TNIK: variants seen among roughly 807,000 people sequenced by gnomAD.
The protein encoded by TNIK is TRAF2 and NCK-interacting protein kinase.
A neutral mutation model predicts 191.3 loss-of-function variants in TNIK; 49 were observed. The ratio of observed to expected loss-of-function variants is 0.26; its 90% CI spans 0.20 to 0.32. TNIK has a LOEUF of 0.32. Among genes scored for constraint, TNIK ranks in the 10% least tolerant of loss-of-function variants. The pLI is 1.00. For synonymous variants in TNIK, 594 were observed against 600.9 expected, an observed-to-expected ratio of 0.99 and a Z score of 0.17; for missense variants, 1,155 against 1,702.3, an observed-to-expected ratio of 0.68 and a Z score of 5.66.
chr3:171,371,153 G>A (rs1018609342), intron 1 of TNIK, among the ~76,000 whole-genome samples: 8 of 152,150 alleles, frequency 5.3e-5, no homozygotes, highest in Admixed American at 3.3e-4. Flanking sequence ...TCAAGTAGTC[G>A]GAAATCTATT....
At chr3:171,448,569 C>CTTTT (rs79607104) in intron 1 of TNIK, among the ~76,000 whole-genome samples, 1,337 of 126,360 alleles carry the variant, frequency 0.011, 35 homozygotes, top group African/African-American at 0.038. Flanking sequence ...TTCATGTACA[C>CTTTT]TTTTTTTTTT....
intron 23 of TNIK, among the ~76,000 whole-genome samples, chr3:171,088,644 C>G (rs376725331): frequency 2.2e-4 from 34 of 152,172 alleles, no homozygotes; most frequent in Admixed American, 2.2e-3. Context: ...GATAGGATTA[C>G]GTGATGTAAC....
At chr3:171,102,600 GA>G (rs1253097929) in intron 21 of TNIK, among the ~76,000 whole-genome samples, 1 of 152,186 alleles carries the variant, frequency 6.6e-6, no homozygotes, top group Non-Finnish European at 1.5e-5. Context: ...TGCAAATGGG[GA>G]AAAAGCAATT....
At chr3:171,441,072 T>TAG (rs1560078020) in intron 1 of TNIK, among the ~76,000 whole-genome samples, 21 of 152,276 alleles carry the variant, frequency 1.4e-4, no homozygotes, top group African/African-American at 4.6e-4. Context: ...AGAGAACCCA[T>TAG]CTATCTCTCC....
At chr3:171,262,944 A>T (rs964227795) in intron 2 of TNIK, among the ~76,000 whole-genome samples, 137 of 152,274 alleles carry the variant, frequency 9.0e-4, no homozygotes, top group African/African-American at 3.2e-3. Flanking sequence ...CTTCTGATGA[A>T]ACACTCATAG....
At chr3:171,426,520 G>A (rs556049057) in intron 1 of TNIK, among the ~76,000 whole-genome samples, 189 of 151,966 alleles carry the variant, frequency 1.2e-3, no homozygotes, top group African/African-American at 4.4e-3. Flanking sequence ...AAACCTGCAC[G>A]TTGTGCACAT....
At chr3:171,423,597 A>G (rs1431647357) in intron 1 of TNIK, among the ~76,000 whole-genome samples, 3 of 152,376 alleles carry the variant, frequency 2.0e-5, no homozygotes, top group East Asian at 1.9e-4. Context: ...ATAAGGCTAC[A>G]GTAACCAAAA....
Position 171,101,497 on chromosome 3 carries a change from C to G in TNIK, c.2543G>C (p.Ser848Thr). 6.2e-7 allele frequency: 1 copy of G among 1,613,498 alleles called. No individual in the cohort carries two copies. The highest frequency in any genetic ancestry group is 8.5e-7 in the Non-Finnish European group (1 of 1,179,542). ...SSEEEEEDGE[S>T]ETHDGTVAVS... ...AGCCACTGTCCCATCATGGGTCTCG[C>G]TCTCTCCATCTTCCTCCTCTTCCTC... The change falls in exon 22 of 33, where the codon AGC becomes ACC. Residue 848 changes from serine (S) to threonine (T), a missense_variant. Ser to Thr is a moderately conservative substitution (Grantham distance 58). Coordinates refer to ENST00000436636, the MANE Select transcript of TNIK (RefSeq NM_015028.4).
chr3:171,272,236 C>T (rs981210107), intron 2 of TNIK, among the ~76,000 whole-genome samples: 2 of 152,218 alleles, frequency 1.3e-5, no homozygotes, highest in Non-Finnish European at 2.9e-5. Context: ...TTGGGACTAA[C>T]AAAGTCCTCC....
chr3:171,124,848 C>A (rs1399204700), intron 17 of TNIK, among the ~76,000 whole-genome samples: 1 of 152,104 alleles, frequency 6.6e-6, no homozygotes, highest in Non-Finnish European at 1.5e-5. Flanking sequence ...AGAGAGTGGA[C>A]CAATAAATTC....
At chr3:171,408,298 G>T (rs1014963094) in intron 1 of TNIK, among the ~76,000 whole-genome samples, 4 of 152,012 alleles carry the variant, frequency 2.6e-5, no homozygotes, top group Admixed American at 1.3e-4. Flanking sequence ...TGCAAAAAAG[G>T]ATCTTTTATT....
At position 171,068,832 on chromosome 3, in the gene TNIK, A is replaced by C; in HGVS notation, c.3699+16T>G. ...TTGTACAGAGAGCCCTTGAAAGTCT[A>C]CTTCTGAGTACTTACATGAGATGGT... is the stretch of plus-strand genomic sequence containing the variant. On this transcript the variant is annotated intron_variant, in intron 30 of 32. Transcript: ENST00000436636. 6.2e-7 allele frequency: 1 copy of C among 1,607,684 alleles called. No individual in the cohort carries two copies. Among genetic ancestry groups the C allele is most frequent in the Non-Finnish European group, 8.5e-7 (1 of 1,176,940 alleles).
chr3:171,229,635 C>T (rs1194107323), intron 2 of TNIK, among the ~76,000 whole-genome samples: 1 of 152,016 alleles, frequency 6.6e-6, no homozygotes, highest in African/African-American at 2.4e-5. Flanking sequence ...CCTAATTTTC[C>T]CCACTCCTCT....
At chr3:171,240,377 G>A (rs1052783844) in intron 2 of TNIK, among the ~76,000 whole-genome samples, 2 of 152,116 alleles carry the variant, frequency 1.3e-5, no homozygotes, top group African/African-American at 2.4e-5. Flanking sequence ...CTAATTAGTG[G>A]GTCTAGAGTT....
At chr3:171,204,823 C>G (rs1005176899) in intron 4 of TNIK, among the ~76,000 whole-genome samples, 4 of 152,036 alleles carry the variant, frequency 2.6e-5, no homozygotes, top group African/African-American at 9.7e-5. Context: ...TTTTCATGAC[C>G]AAAGGAGAAG....
At chr3:171,130,356 C>A (rs1729074528) in intron 15 of TNIK, among the ~76,000 whole-genome samples, 1 of 152,200 alleles carries the variant, frequency 6.6e-6, no homozygotes, top group Admixed American at 6.5e-5. Flanking sequence ...TCTCTTCCCC[C>A]ACCATGGCTG....
chr3:171,212,081 A>G (rs916647247), intron 3 of TNIK, among the ~76,000 whole-genome samples: 10 of 152,098 alleles, frequency 6.6e-5, no homozygotes, highest in African/African-American at 1.9e-4. Context: ...ACCTCAGGAT[A>G]ATTTTTTAGG....
At chr3:171,322,938 T>G (rs1755325936) in intron 2 of TNIK, among the ~76,000 whole-genome samples, 1 of 152,116 alleles carries the variant, frequency 6.6e-6, no homozygotes. Context: ...GTTAAGAATT[T>G]TTTTACACTG....
At chr3:171,261,445 C>T (rs1300731141) in intron 2 of TNIK, among the ~76,000 whole-genome samples, 2 of 152,176 alleles carry the variant, frequency 1.3e-5, no homozygotes, top group Non-Finnish European at 2.9e-5. Context: ...GTCTTCCCTA[C>T]TAAATGTCAA....
Sources: allele counts gnomAD v4.1 joint callset (sites outside exome capture counted in the v4.1 genomes callset), GRCh38; gene constraint gnomAD v4.1.1; transcripts MANE v1.5; gene names NCBI Gene and HGNC (gene_info 2026-07-23, HGNC 2026-07-21).